PCDHA10: variants seen among roughly 807,000 people sequenced by gnomAD.
PCDHA10 encodes protocadherin alpha 10, also known as protocadherin alpha-10.
PCDHA10 carries 45 observed loss-of-function variants against 61.2 expected under a neutral mutation model. The ratio of observed to expected loss-of-function variants is 0.74; its 90% CI spans 0.58 to 0.94. The LOEUF is 0.94. Among genes scored for constraint, PCDHA10 ranks in the 40% least tolerant of loss-of-function variants. The pLI is 0.00. For missense variants in PCDHA10, 1,278 were observed against 1,236.2 expected (o/e 1.03, Z -0.51); for synonymous variants, 602 against 548.8 (o/e 1.10, Z -1.35).
intron 1 of PCDHA10, among the ~76,000 whole-genome samples, chr5:140,895,632 A>T (rs2065081182): frequency 6.6e-6 from 1 of 152,052 alleles, no homozygotes; most frequent in South Asian, 2.1e-4. Context: ...GTCTTTTCAC[A>T]TTCTTTTTTA....
intron 3 of PCDHA10, among the ~76,000 whole-genome samples, chr5:140,985,246 T>C (rs2097143888): frequency 6.6e-6 from 1 of 152,110 alleles, no homozygotes; most frequent in African/African-American, 2.4e-5. Flanking sequence ...CTAATCTTCT[T>C]ACTCTTTTTT....
At chr5:140,967,562 C>T in intron 1 of PCDHA10, 1 of 1,614,064 alleles carries the variant, frequency 6.2e-7, no homozygotes, top group Non-Finnish European at 8.5e-7. Context: ...TCGCGTCCAG[C>T]TACGGGAGGA....
chr5:140,982,035 A>G (rs950479755), intron 2 of PCDHA10, among the ~76,000 whole-genome samples: 2 of 152,280 alleles, frequency 1.3e-5, no homozygotes, highest in Admixed American at 1.3e-4. Context: ...CAATACTCCA[A>G]TTATCAGAAA....
At position 140,856,588 on chromosome 5, in the gene PCDHA10, T is replaced by C. The variant is rs201362862; in HGVS notation, c.540T>C (p.Asp180=). The C allele has an allele frequency of 5.2e-5, 83 of 1,597,798 alleles. 1 individual carries two copies. In the East Asian group the frequency reaches 1.3e-3, roughly 25 times the overall value. ...GTCCAAATGAGTATTTTGTTCTTGA[T>C]ATTATAAACAAAAAAGACAAAGACA... ...KLSPNEYFVL[D]IINKKDKDKF... Residue 180 remains aspartate (D), a synonymous_variant, in exon 1 of 4, where the codon GAT becomes GAC. Coordinates refer to ENST00000307360, the MANE Select transcript of PCDHA10 (RefSeq NM_018901.4).
intron 1 of PCDHA10, chr5:140,968,527 G>A (rs782634339): frequency 9.3e-6 from 15 of 1,614,142 alleles, no homozygotes; most frequent in Middle Eastern, 1.6e-4. Flanking sequence ...CAACCAACTC[G>A]TCAGCAGCCT....
chr5:140,883,445 G>A, intron 1 of PCDHA10: 1 of 1,614,164 alleles, frequency 6.2e-7, no homozygotes, highest in South Asian at 1.1e-5. Flanking sequence ...GACGCCGCAT[G>A]TCCCCTTCAA....
intron 1 of PCDHA10, chr5:140,927,041 T>C: frequency 6.2e-7 from 1 of 1,612,456 alleles, no homozygotes; most frequent in South Asian, 1.1e-5. Flanking sequence ...GCGGCCGCTA[T>C]GTCCTCGCGG....
chr5:140,953,871 A>G (rs2094944952), intron 1 of PCDHA10, among the ~76,000 whole-genome samples: 1 of 152,146 alleles, frequency 6.6e-6, no homozygotes, highest in African/African-American at 2.4e-5. Context: ...TTTGCTGCAC[A>G]GATCAACCCA....
intron 1 of PCDHA10, among the ~76,000 whole-genome samples, chr5:140,908,451 A>T (rs2073980523): frequency 6.6e-6 from 1 of 152,170 alleles, no homozygotes; most frequent in African/African-American, 2.4e-5. Context: ...TTATGGCTAG[A>T]TGGATCAGAA....
chr5:140,927,265 C>G lies in PCDHA10; in HGVS notation c.2389-51684C>G, dbSNP rs2084026948. The G allele has an allele frequency of 6.2e-7, 1 of 1,614,168 alleles. No individual in the cohort carries two copies. Among genetic ancestry groups the G allele is most frequent in the Non-Finnish European group, 8.5e-7 (1 of 1,180,038 alleles). On this transcript the variant is annotated intron_variant, in intron 1 of 3. Coordinates refer to ENST00000307360, the MANE Select transcript of PCDHA10 (RefSeq NM_018901.4). ...CACCAATGACAACTCACCTCTCTTTCCTGCCGGCGACGTGCAGCTGCACAT... is the reference window on the plus strand; with the variant it reads ...CACCAATGACAACTCACCTCTCTTTGCTGCCGGCGACGTGCAGCTGCACAT...
chr5:140,914,302 A>G (rs1168032612), intron 1 of PCDHA10, among the ~76,000 whole-genome samples: 4 of 152,144 alleles, frequency 2.6e-5, no homozygotes, highest in African/African-American at 9.7e-5. Context: ...CTCTTGCTGA[A>G]TTGACCCCAT....
chr5:140,915,542 G>T (rs1253663657), intron 1 of PCDHA10, among the ~76,000 whole-genome samples: 2 of 152,030 alleles, frequency 1.3e-5, no homozygotes, highest in Admixed American at 6.6e-5. Context: ...TGGAGGTCTT[G>T]AATAAGATCC....
chr5:140,869,456 AT>A (rs1175063244), intron 1 of PCDHA10: 1 of 1,614,072 alleles, frequency 6.2e-7, no homozygotes, highest in East Asian at 2.2e-5. Flanking sequence ...CAGGTTTTCC[AT>A]GTGAACGTGG....
In PCDHA10 at chr5:140,969,339, A is replaced by G. The variant is rs1563390643; in HGVS notation, c.2389-9610A>G. On this transcript the variant is annotated intron_variant, in intron 1 of 3. Transcript: ENST00000307360. ...GCTGTTTCTCAAAATGAGGTGAGAC[A>G]GTGGTCAGGGGGTCTTCTACAAACT... 5 of 1,613,830 alleles carry G rather than the reference A, an allele frequency of 3.1e-6. No homozygotes were observed. The South Asian group carries it at 4.4e-5, about 14-fold the overall frequency.
chr5:140,860,713 A>G (rs2046537417), intron 1 of PCDHA10: 1 of 152,204 alleles, frequency 6.6e-6, no homozygotes, highest in Non-Finnish European at 1.5e-5. Context: ...GTTCTCCATG[A>G]AAAGTTTTTT....
chr5:140,898,040 GT>G (rs1301370622), intron 1 of PCDHA10, among the ~76,000 whole-genome samples: 7 of 151,970 alleles, frequency 4.6e-5, no homozygotes, highest in Non-Finnish European at 8.8e-5. Flanking sequence ...GGGGTTGTTT[GT>G]TTTTTTCTTG....
chr5:140,859,289 ATACTT>A (rs1272125290), intron 1 of PCDHA10: 2 of 129,084 alleles, frequency 1.5e-5, no homozygotes, highest in African/African-American at 5.5e-5. Context: ...GAGACTGAAA[ATACTT>A]TAGTATGAAT....
intron 1 of PCDHA10, chr5:140,927,653 G>A: frequency 6.2e-7 from 1 of 1,614,190 alleles, no homozygotes; most frequent in Non-Finnish European, 8.5e-7. Context: ...GTGTTATTCC[G>A]AGTTCAAGCC....
chr5:140,944,364 T>G (rs1264806074), intron 1 of PCDHA10, among the ~76,000 whole-genome samples: 1 of 152,072 alleles, frequency 6.6e-6, no homozygotes, highest in Non-Finnish European at 1.5e-5. Flanking sequence ...ATTTTTAATT[T>G]TTTATAGAGA....
Sources: allele counts gnomAD v4.1 joint callset (sites outside exome capture counted in the v4.1 genomes callset), GRCh38; gene constraint gnomAD v4.1.1; transcripts MANE v1.5; gene names NCBI Gene and HGNC (gene_info 2026-07-23, HGNC 2026-07-21).